The following ABCB4 variants were observed in gnomAD, a reference collection of about 807,000 sequenced individuals.
ABCB4 encodes phosphatidylcholine translocator ABCB4.
ABCB4 carries 76 observed loss-of-function variants against 145.7 expected under a neutral mutation model. The observed-to-expected ratio is 0.52, with a 90% confidence interval of 0.43 to 0.63. The LOEUF is 0.63. ABCB4 is among the 30% of genes least tolerant of loss of function. The probability of loss-of-function intolerance (pLI) is 0.00; values close to 1 mark genes in which losing one functional copy is unlikely to be tolerated. For synonymous variants in ABCB4, 517 were observed against 566.8 expected (o/e 0.91, Z 1.25); for missense variants, 1,234 against 1,553.1 (o/e 0.79, Z 3.45).
chr7:87,432,120 G>T (rs1406599497), intron 14 of ABCB4, among the ~76,000 whole-genome samples: 1 of 152,206 alleles, frequency 6.6e-6, no homozygotes, highest in African/African-American at 2.4e-5. Flanking sequence ...AGTAAGGCAA[G>T]TAAATCTGCT....
intron 22 of ABCB4, 31 bp from the exon 23 acceptor site, chr7:87,412,064 T>C: frequency 6.2e-7 from 1 of 1,612,834 alleles, no homozygotes; most frequent in Non-Finnish European, 8.5e-7. Flanking sequence ...CTTGTAACCA[T>C]CTCTTCAGCC....
In ABCB4 at chr7:87,429,821, G is replaced by A. The variant is rs140591958; in HGVS notation, c.1893+1583C>T. Among the ~76,000 whole-genome samples the A allele has an allele frequency of 6.7e-5, 10 of 149,904 alleles. No homozygotes were observed. In the South Asian group the frequency reaches 8.4e-4, roughly 13 times the overall value. ...GCAAGCCTGAGTTATAAAACTTTTC[G>A]TCATTTCATTTGGTATTTTCATTTG... On this transcript the variant is annotated intron_variant, in intron 15 of 27. Coordinates refer to ENST00000649586, the MANE Select transcript of ABCB4 (RefSeq NM_000443.4).
At chr7:87,373,438 T>C in the ABCB4 span, among the ~76,000 whole-genome samples, 3 of 152,134 alleles carry the variant, frequency 2.0e-5, no homozygotes, top group African/African-American at 7.2e-5. Context: ...AATCCAATTT[T>C]ATCTCTTTTT....
At chr7:87,451,882 A>C (rs1811756870) in intron 6 of ABCB4, 88 bp from the exon 7 acceptor site, 1 of 1,302,434 alleles carries the variant, frequency 7.7e-7, no homozygotes, top group Non-Finnish European at 1.1e-6. Context: ...TAGACAAGTA[A>C]AATTTGTTCA....
the ABCB4 span, among the ~76,000 whole-genome samples, chr7:87,372,008 A>AC: frequency 1.2e-3 from 49 of 42,080 alleles, no homozygotes; most frequent in Non-Finnish European, 1.8e-3. Context: ...AAAAAAAAAC[A>AC]AAAAAAAAAA....
At chr7:87,379,833 G>A in the ABCB4 span, among the ~76,000 whole-genome samples, 1 of 152,132 alleles carries the variant, frequency 6.6e-6, no homozygotes, top group African/African-American at 2.4e-5. Context: ...TATGCTGTAG[G>A]CCAAACATGG....
intron 16 of ABCB4, among the ~76,000 whole-genome samples, chr7:87,426,298 C>G (rs1288850983): frequency 6.6e-6 from 1 of 152,118 alleles, no homozygotes; most frequent in East Asian, 1.9e-4. Flanking sequence ...ACTGTTCTAG[C>G]CCTGGGTTTT....
At position 87,411,944 on chromosome 7, in the gene ABCB4, A is replaced by C. The variant is rs1562953697; in HGVS notation, c.2873T>G (p.Phe958Cys). The stretch of plus-strand genomic sequence containing the variant: ...TCCATTCACAATGAGATATGCACCA[A>C]ATCGAAAACAACCGGCATAGGAAAA... ...MYFSYAGCFRFGAYLIVNGHM... is the reference protein window; with the variant it reads ...MYFSYAGCFRCGAYLIVNGHM... Residue 958 changes from phenylalanine to cysteine, a missense_variant, in exon 23 of 28, where the codon TTT becomes TGT. Physicochemically the swap from Phe to Cys is radical, Grantham distance 205. This residue lies in a region of ABCB4 where 301 missense variants were observed against 389.0 expected (regional missense o/e 0.77). Coordinates refer to ENST00000649586, the MANE Select transcript of ABCB4 (RefSeq NM_000443.4). The C allele has an allele frequency of 6.2e-7, 1 of 1,613,956 alleles. No homozygotes were observed. Among genetic ancestry groups the C allele is most frequent in the East Asian group, 2.2e-5 (1 of 44,850 alleles).
chr7:87,462,723 C>G (rs746728181), intron 4 of ABCB4, 35 bp downstream of exon 4: 1 of 1,607,944 alleles, frequency 6.2e-7, no homozygotes, highest in East Asian at 2.2e-5. Flanking sequence ...TAAAGAAATG[C>G]TATGGATTTT....
In ABCB4 at chr7:87,408,074, A is replaced by G. The variant is rs765208250; in HGVS notation, c.3242T>C (p.Leu1081Pro). Residue 1081 changes from leucine to proline, a missense_variant, in exon 25 of 28, where the codon CTC (leucine) becomes CCC (proline). Physicochemically the swap from Leu to Pro is moderately conservative, Grantham distance 98. Transcript: ENST00000649586. The part of the protein sequence containing the change: ...SGCGKSTVVQ[L>P]LERFYDPLAG... ...CAAGGGGTCGTAGAACCGCTCCAGG[A>G]GCTGGACCACCGTGCTCTTCCCACA... 6.2e-7 allele frequency: 1 copy of G among 1,614,140 alleles called. No homozygotes were observed. Among genetic ancestry groups the G allele is most frequent in the South Asian group, 1.1e-5 (1 of 91,078 alleles).
chr7:87,432,533 G>A (rs980259260), intron 14 of ABCB4, among the ~76,000 whole-genome samples: 1 of 152,192 alleles, frequency 6.6e-6, no homozygotes, highest in Non-Finnish European at 1.5e-5. Flanking sequence ...ATGGAATATT[G>A]TTAGGCCATA....
chr7:87,373,502 A>T, the ABCB4 span, among the ~76,000 whole-genome samples: 392 of 152,196 alleles, frequency 2.6e-3, 3 homozygotes, highest in Non-Finnish European at 2.8e-3. Flanking sequence ...GCCTAATCTG[A>T]GGACATGAAG....
At chr7:87,402,810 C>T (rs1448058641) in intron 27 of ABCB4, among the ~76,000 whole-genome samples, 3 of 152,060 alleles carry the variant, frequency 2.0e-5, no homozygotes, top group African/African-American at 7.2e-5. Flanking sequence ...ACCAGCCTGG[C>T]CAACATAATG....
chr7:87,413,212 T>C (rs945578452), intron 22 of ABCB4, among the ~76,000 whole-genome samples: 1 of 152,194 alleles, frequency 6.6e-6, no homozygotes, highest in Non-Finnish European at 1.5e-5. Context: ...AGAGAACAAA[T>C]GAAATACTTT....
intron 13 of ABCB4, 124 bp from the exon 14 acceptor site, chr7:87,439,961 T>C (rs866764955): frequency 4.0e-5 from 54 of 1,365,862 alleles, no homozygotes; most frequent in Middle Eastern, 4.1e-4. Flanking sequence ...TCATAAAGTA[T>C]GATAAGATAA....
At chr7:87,460,622 GTATTTATTTATT>G (rs3028335) in intron 4 of ABCB4, among the ~76,000 whole-genome samples, 26,567 of 148,296 alleles carry the variant, frequency 0.18, 2,796 homozygotes, top group Non-Finnish European at 0.24. Context: ...ACACAATTTT[GTATTTATTTATT>G]TATTTATTTA....
the ABCB4 span, among the ~76,000 whole-genome samples, chr7:87,380,085 C>A: frequency 6.6e-6 from 1 of 152,012 alleles, no homozygotes; most frequent in Non-Finnish European, 1.5e-5. Context: ...CACTCCCACC[C>A]AGGCAACAGA....
intron 14 of ABCB4, 83 bp from the exon 15 acceptor site, chr7:87,431,648 A>T: frequency 6.5e-7 from 1 of 1,536,392 alleles, no homozygotes; most frequent in Non-Finnish European, 9.0e-7. Flanking sequence ...ACTTGGATGA[A>T]TGCTGTTTGT....
the ABCB4 span, among the ~76,000 whole-genome samples, chr7:87,378,167 A>G: frequency 6.6e-6 from 1 of 151,892 alleles, no homozygotes; most frequent in Admixed American, 6.6e-5. Flanking sequence ...AATGGCATGA[A>G]ACCCCGTCTC....
Sources: gnomAD v4.1 joint callset for allele counts (sites outside exome capture counted in the v4.1 genomes callset) on GRCh38, gnomAD v4.1.1 for gene constraint, gnomAD v4.1.1 regional missense constraint, MANE v1.5 for transcripts, NCBI Gene and HGNC (gene_info 2026-07-23, HGNC 2026-07-21) for gene names.